The following IL17RC variants were observed in gnomAD, a reference collection of about 807,000 sequenced individuals.
IL17RC encodes interleukin 17 receptor C.
IL17RC carries 53 observed loss-of-function variants against 86.7 expected under a neutral mutation model. That is an observed-to-expected ratio of 0.61 (90% CI 0.49 to 0.77). IL17RC has a LOEUF of 0.77. Ranked by LOEUF, IL17RC falls within the 30% of genes least tolerant of loss-of-function variation. The pLI is 0.00. For missense variants in IL17RC, 957 were observed against 940.0 expected (o/e 1.02, Z -0.24); for synonymous variants, 439 against 413.1 (o/e 1.06, Z -0.76).
chr3:9,933,463 A>C lies in IL17RC; in HGVS notation c.2033A>C (p.Gln678Pro), dbSNP rs989923979. 2.5e-6 allele frequency: 4 copies of C among 1,612,916 alleles called. No homozygotes were observed. Among genetic ancestry groups the C allele is most frequent in the Non-Finnish European group, 3.4e-6 (4 of 1,179,768 alleles). The change falls in exon 19 of 19, where the codon CAA becomes CCA. Residue 678 changes from glutamine (Q) to proline (P), a missense_variant. Gln to Pro is a moderately conservative substitution (Grantham distance 76). Coordinates refer to ENST00000403601, the MANE Select transcript of IL17RC (RefSeq NM_153460.4). The part of the protein sequence containing the change: ...QPRAPRSGRL[Q>P]ERAEQVSRAL... The stretch of plus-strand genomic sequence containing the variant: ...CGCGCCCCGCGTTCCGGGCGGCTCC[A>C]AGAGAGAGCGGAGCAAGTGTCCCGG...
chr3:9,928,247 T>C, intron 10 of IL17RC, 27 bp downstream of exon 10: 1 of 1,561,664 alleles, frequency 6.4e-7, no homozygotes, highest in Non-Finnish European at 8.6e-7. Flanking sequence ...GGGGCTGGGG[T>C]TGGGGTGTTG....
At position 9,933,415 on chromosome 3, in the gene IL17RC, TCCTGGGGGC is replaced by T; in HGVS notation, c.1990_1998del (p.Gly664_Leu666del). The T allele has an allele frequency of 6.2e-7, 1 of 1,613,252 alleles. No individual in the cohort carries two copies. The highest frequency in any genetic ancestry group is 1.1e-5 in the South Asian group (1 of 91,030). On this transcript the variant is annotated inframe_deletion, in exon 19 of 19. Coordinates refer to ENST00000403601, the MANE Select transcript of IL17RC (RefSeq NM_153460.4). Reference sequence around the variant, plus strand: ...ACACTGCCCTCCCAACTGCCAGACTTCCTGGGGGCCCTGCAGCAGCCTCGCGCCCCGCGT... The same window carrying T: ...ACACTGCCCTCCCAACTGCCAGACTTCCTGCAGCAGCCTCGCGCCCCGCGT...
intron 5 of IL17RC, among the ~76,000 whole-genome samples, chr3:9,918,815 G>T (rs961903071): frequency 1.3e-5 from 2 of 152,122 alleles, no homozygotes; most frequent in African/African-American, 4.8e-5. Flanking sequence ...TCTGATCAGC[G>T]CTGTGGGCAA....
At chr3:9,932,894 C>T (rs2084903957) in intron 18 of IL17RC, 36 bp downstream of exon 18, 1 of 1,594,034 alleles carries the variant, frequency 6.3e-7, no homozygotes, top group Admixed American at 1.8e-5. Flanking sequence ...AGGGCCGCCC[C>T]CGGGGAGCCA....
chr3:9,921,502 C>G (rs2083546841), intron 7 of IL17RC, among the ~76,000 whole-genome samples: 1 of 151,926 alleles, frequency 6.6e-6, no homozygotes, highest in Non-Finnish European at 1.5e-5. Flanking sequence ...GAAATAAAAG[C>G]TAAGAAAGTC....
At chr3:9,924,908 C>G (rs553717667) in intron 9 of IL17RC, among the ~76,000 whole-genome samples, 40 of 151,774 alleles carry the variant, frequency 2.6e-4, no homozygotes, top group Non-Finnish European at 5.4e-4. Context: ...CTCAAGTGAT[C>G]CTCCTGTCTC....
rs112883903 is a variant in IL17RC at position 9,922,066 on chromosome 3, C to A, written c.622+1097C>A. On this transcript the variant is annotated intron_variant, in intron 7 of 18. Transcript: ENST00000403601. ...CTTCTGGGTTCAAGCGATTCTCCTGCCTCAGCCTCCCAAGCAGCTGGGATT... is the reference window on the plus strand; with the variant it reads ...CTTCTGGGTTCAAGCGATTCTCCTGACTCAGCCTCCCAAGCAGCTGGGATT... 1.0e-2 allele frequency among the ~76,000 whole-genome samples: 1,494 copies of A among 150,146 alleles called. 16 individuals are homozygous for A. The highest frequency in any genetic ancestry group is 0.035 in the African/African-American group (1,421 of 40,658).
intron 12 of IL17RC, chr3:9,928,949 T>G (rs2084376126): frequency 2.9e-6 from 1 of 350,862 alleles, no homozygotes; most frequent in South Asian, 5.9e-5. Flanking sequence ...ACTTTTATTA[T>G]TGCTATCCTT....
chr3:9,928,490 A>T lies in IL17RC; in HGVS notation c.1059+4A>T. ...CTGGGAGAACGTCACTGTGGACGTA[A>T]GTGAAGCAGAGGGCACCTCCCGTGG... On this transcript the variant is annotated splice_donor_region_variant and intron_variant, in intron 11 of 18. Transcript: ENST00000403601. 6.2e-7 allele frequency: 1 copy of T among 1,612,590 alleles called. No individual in the cohort carries two copies. The highest frequency in any genetic ancestry group is 8.5e-7 in the Non-Finnish European group (1 of 1,179,794).
In IL17RC at chr3:9,932,550, TCA is replaced by T; in HGVS notation, c.1388-57_1388-56del. 3.4e-6 allele frequency: 5 copies of T among 1,469,898 alleles called. No individual in the cohort carries two copies. In the South Asian group the frequency reaches 5.7e-5, roughly 17 times the overall value. The allele number at this position is 1,469,898 out of a possible 1,614,324, so 91.1% of individuals were successfully genotyped here. ...CGGCCCAATTCATTTCTGTTAAGTCTCAGTTTTTCTTCTCTGTGGAGGGTAAG... is the reference window on the plus strand; with the variant it reads ...CGGCCCAATTCATTTCTGTTAAGTCTGTTTTTCTTCTCTGTGGAGGGTAAG... On this transcript the variant is annotated intron_variant, in intron 16 of 18. Transcript: ENST00000403601.
rs988744665 is a variant in IL17RC, at chr3:9,917,929, A to T, written c.134A>T (p.Asp45Val). The change falls in exon 3 of 19, where the codon GAC becomes GTC. Residue 45 changes from aspartate (D) to valine (V), a missense_variant. Transcript: ENST00000403601. ...CCCGCTCCTCCACACACAGACAGTG[A>T]CATACTCTGCCTGCCTGGGGACATC... ...PGLSCRLWDS[D>V]ILCLPGDIVP... is the part of the protein sequence containing the mutation. 1.6e-5 allele frequency: 26 copies of T among 1,613,352 alleles called. No individual in the cohort carries two copies. The highest frequency in any genetic ancestry group is 2.2e-5 in the Non-Finnish European group (26 of 1,180,032).
At chr3:9,921,629 T>C (rs1335690922) in intron 7 of IL17RC, among the ~76,000 whole-genome samples, 3 of 150,170 alleles carry the variant, frequency 2.0e-5, no homozygotes, top group African/African-American at 4.9e-5. Context: ...ATTTTCTTTT[T>C]TTTTTTTTTT....
In IL17RC at chr3:9,920,274, T is replaced by G. The variant is rs138691061; in HGVS notation, c.466-217T>G. On this transcript the variant is annotated intron_variant, in intron 5 of 18. Coordinates refer to ENST00000403601, the MANE Select transcript of IL17RC (RefSeq NM_153460.4). ...AGGGATTTAAATGTCTAGGGCCTTT[T>G]CCCGCCCTGGTGACACTCTTACTGA... 1.8e-3 allele frequency: 953 copies of G among 528,270 alleles called. 25 individuals carry two copies. The East Asian group carries it at 0.029, about 16-fold the overall frequency. The allele number at this position is 528,270 out of a possible 1,614,324, so 32.7% of individuals were successfully genotyped here.
chr3:9,926,031 CTTTTTTTTTTTT>C (rs5846649), intron 9 of IL17RC, among the ~76,000 whole-genome samples: 1 of 89,788 alleles, frequency 1.1e-5, no homozygotes. Context: ...TAATTGTTTC[CTTTTTTTTTTTT>C]TTTTTTTTTT....
In IL17RC at chr3:9,930,092, A is replaced by G. The variant is rs1177964275; in HGVS notation, c.1221A>G (p.Arg407=). 1.5e-5 allele frequency: 24 copies of G among 1,614,092 alleles called. No homozygotes were observed. The highest frequency in any genetic ancestry group is 1.9e-5 in the Non-Finnish European group (22 of 1,180,002). ...LLETRGPQDN[R]SLCALEPSGC... ...AGACACGAGGCCCCCAGGACAACAG[A>G]TCCCTCTGTGCCTTGGAACCCAGTG... The change falls in exon 14 of 19, where the codon AGA becomes AGG. Residue 407 remains arginine, a synonymous_variant. Coordinates refer to ENST00000403601, the MANE Select transcript of IL17RC (RefSeq NM_153460.4). This position sits in a 1 kb window ranked among gnomAD's most constrained non-coding sequence, Gnocchi z 5.8.
rs758853893 is a variant in IL17RC at position 9,933,243 on chromosome 3, C to G, written c.1813C>G (p.Pro605Ala). ...GGTGTCCGGGCCCGGGGCGCACGGCCCGCACGACGCCTTCCGCGCCTCGCT... is the reference window on the plus strand; with the variant it reads ...GGTGTCCGGGCCCGGGGCGCACGGCGCGCACGACGCCTTCCGCGCCTCGCT... Reference protein sequence around the residue: ...DGVSGPGAHGPHDAFRASLSC... With the variant: ...DGVSGPGAHGAHDAFRASLSC... Residue 605 changes from proline (P) to alanine (A), a missense_variant, in exon 19 of 19, where the codon CCG becomes GCG. Pro to Ala is a conservative substitution (Grantham distance 27). Transcript: ENST00000403601. The G allele has an allele frequency of 2.5e-6, 4 of 1,604,920 alleles. No homozygotes were observed. The highest frequency in any genetic ancestry group is 3.4e-6 in the Non-Finnish European group (4 of 1,176,376).
At position 9,920,493 on chromosome 3, in the gene IL17RC, C is replaced by T. The variant is rs1289913876; in HGVS notation, c.468C>T (p.Gly156=). 4.4e-6 allele frequency: 7 copies of T among 1,589,062 alleles called. No individual in the cohort carries two copies. In the South Asian group the frequency reaches 5.7e-5, roughly 13 times the overall value. ...AALVQFGQSV[G]SVVYDCFEAA... ...CTTCCTCACCCCTCTCCTCACAGGG[C>T]TCTGTGGTATATGACTGCTTCGAGG... The change falls in exon 6 of 19, where the codon GGC becomes GGT. Residue 156 remains glycine (G), a splice_region_variant and synonymous_variant. Coordinates refer to ENST00000403601, the MANE Select transcript of IL17RC (RefSeq NM_153460.4).
chr3:9,929,778 C>T (rs2084478094), intron 12 of IL17RC, 74 bp from the exon 13 acceptor site: 1 of 1,546,326 alleles, frequency 6.5e-7, no homozygotes, highest in East Asian at 2.2e-5. Context: ...CTTCTGTTGC[C>T]TGCCCCATTC....
chr3:9,926,354 G>A (rs558184970), intron 9 of IL17RC, among the ~76,000 whole-genome samples: 1 of 152,064 alleles, frequency 6.6e-6, no homozygotes, highest in South Asian at 2.1e-4. Flanking sequence ...TTAATGTTTT[G>A]TGGCGATGGG....
Sources: gnomAD v4.1 joint callset for allele counts (sites outside exome capture counted in the v4.1 genomes callset) on GRCh38, gnomAD v4.1.1 for gene constraint, Gnocchi (gnomAD v3.1) non-coding constraint, MANE v1.5 for transcripts, NCBI Gene and HGNC (gene_info 2026-07-23, HGNC 2026-07-21) for gene names.